FBRSL1: variants seen among roughly 807,000 people sequenced by gnomAD.
FBRSL1 encodes fibrosin like 1, also known as fibrosin-1-like protein.
FBRSL1 carries 51 observed loss-of-function variants against 89.6 expected under a neutral mutation model. The observed-to-expected ratio is 0.57, with a 90% CI of 0.45 to 0.72. The LOEUF is 0.72. FBRSL1 is among the 30% of genes least tolerant of loss of function. FBRSL1 has a pLI of 0.00. For synonymous variants in FBRSL1, 779 were observed against 681.1 expected, an observed-to-expected ratio of 1.14 and a Z score of -2.24; for missense variants, 1,618 against 1,451.8, an observed-to-expected ratio of 1.11 and a Z score of -1.86.
intron 4 of FBRSL1, among the ~76,000 whole-genome samples, chr12:132,540,754 CG>C (rs998080350): frequency 1.3e-5 from 2 of 151,970 alleles, no homozygotes; most frequent in African/African-American, 2.4e-5. Flanking sequence ...CTGCCTCACC[CG>C]GGGGGGCCCC....
intron 5 of FBRSL1, among the ~76,000 whole-genome samples, chr12:132,560,803 G>C (rs573669134): frequency 6.6e-6 from 1 of 152,324 alleles, no homozygotes; most frequent in Admixed American, 6.5e-5. Context: ...CCCTGGGCTT[G>C]AGTGATCCTC....
chr12:132,497,662 C>T (rs912138052), intron 1 of FBRSL1, among the ~76,000 whole-genome samples: 1 of 152,166 alleles, frequency 6.6e-6, no homozygotes, highest in Admixed American at 6.5e-5. Context: ...GTGAGTGGCC[C>T]CAGGCTAGAA....
intron 2 of FBRSL1, among the ~76,000 whole-genome samples, chr12:132,513,994 C>T (rs756827024): frequency 6.6e-6 from 1 of 152,172 alleles, no homozygotes; most frequent in Non-Finnish European, 1.5e-5. Context: ...CCCCTCACTG[C>T]AGGTGAATAG....
At chr12:132,492,778 G>A (rs995663783) in intron 1 of FBRSL1, among the ~76,000 whole-genome samples, 2 of 152,234 alleles carry the variant, frequency 1.3e-5, no homozygotes, top group African/African-American at 4.8e-5. Flanking sequence ...CAGCACCCCA[G>A]GGTGGTTTCA....
chr12:132,583,440 C>A lies in FBRSL1; in HGVS notation c.2671C>A (p.His891Asn). 1 of 1,071,364 alleles carries A rather than the reference C, an allele frequency of 9.3e-7. No individual in the cohort carries two copies. 66.4% of individuals were successfully genotyped at this position (1,071,364 alleles called of 1,614,324 possible). ...GCGCCCCTACCGCGACCGCGAGCCC[C>A]ACGGCTACAGCCCCGAGCGCCTGCG... ...PERPYRDREP[H>N]GYSPERLRGE... is the part of the protein sequence containing the mutation. The change falls in exon 19 of 19, where the codon CAC becomes AAC. Residue 891 changes from histidine (H) to asparagine (N), a missense_variant. Transcript: ENST00000680143.
intron 5 of FBRSL1, among the ~76,000 whole-genome samples, chr12:132,559,880 C>T (rs2038960508): frequency 6.7e-6 from 1 of 150,148 alleles, no homozygotes; most frequent in South Asian, 2.1e-4. Context: ...GCGGCGGGCG[C>T]GGGTGGATCG....
chr12:132,528,636 G>A (rs1194976768), intron 4 of FBRSL1, among the ~76,000 whole-genome samples: 2 of 151,886 alleles, frequency 1.3e-5, no homozygotes, highest in Admixed American at 1.3e-4. Flanking sequence ...CCGGGGGAGC[G>A]GGTGTGTTTC....
intron 3 of FBRSL1, 86 bp downstream of exon 3, chr12:132,525,909 C>A: frequency 8.9e-7 from 1 of 1,122,494 alleles, no homozygotes. Context: ...CAGTCCGAGT[C>A]TGGGCCGCCT....
At position 132,574,314 on chromosome 12, in the gene FBRSL1, C is replaced by T. The variant is rs1188730142; in HGVS notation, c.1600-5C>T. On this transcript the variant is annotated splice_region_variant and splice_polypyrimidine_tract_variant and intron_variant, in intron 12 of 18. Transcript: ENST00000680143. Reference sequence around the variant, plus strand: ...GGACCTCACACTCCTTTCCTGTCTCCACAGGTGTCTGACCCGTACCGGGCG... The same window carrying T: ...GGACCTCACACTCCTTTCCTGTCTCTACAGGTGTCTGACCCGTACCGGGCG... 4 of 1,541,706 alleles carry T rather than the reference C, an allele frequency of 2.6e-6. No individual in the cohort carries two copies. Among genetic ancestry groups the T allele is most frequent in the Non-Finnish European group, 3.5e-6 (4 of 1,143,312 alleles).
intron 2 of FBRSL1, among the ~76,000 whole-genome samples, chr12:132,524,296 A>T (rs930892576): frequency 6.6e-6 from 1 of 152,208 alleles, no homozygotes; most frequent in African/African-American, 2.4e-5. Context: ...TCGGGGCTGC[A>T]TCCCTGCCCG....
intron 5 of FBRSL1, chr12:132,552,949 C>A: frequency 6.5e-6 from 1 of 154,164 alleles, no homozygotes; most frequent in South Asian, 1.9e-4. Flanking sequence ...GTGCGGGCCG[C>A]GCCTTTGTTC....
chr12:132,494,224 C>T (rs1267631141), intron 1 of FBRSL1, among the ~76,000 whole-genome samples: 2 of 152,160 alleles, frequency 1.3e-5, no homozygotes, highest in South Asian at 2.1e-4. Flanking sequence ...CAACTCTGTC[C>T]CCTGGTTGTA....
intron 1 of FBRSL1, among the ~76,000 whole-genome samples, chr12:132,498,986 C>T (rs752407652): frequency 2.6e-5 from 4 of 152,212 alleles, no homozygotes; most frequent in African/African-American, 4.8e-5. Context: ...GCTCTCACCA[C>T]GGCAGGCTGG....
intron 4 of FBRSL1, among the ~76,000 whole-genome samples, chr12:132,547,619 T>C (rs537677053): frequency 9.2e-5 from 14 of 152,332 alleles, no homozygotes; most frequent in African/African-American, 3.4e-4. Flanking sequence ...GGCCGGAGGC[T>C]GCCCTCCTTC....
chr12:132,532,646 G>A (rs949063537), intron 4 of FBRSL1, among the ~76,000 whole-genome samples: 1 of 147,770 alleles, frequency 6.8e-6, no homozygotes, highest in Non-Finnish European at 1.5e-5. Flanking sequence ...CACACAGGGA[G>A]AAAGATGGGA....
chr12:132,548,380 C>T (rs1428369967), intron 5 of FBRSL1, among the ~76,000 whole-genome samples: 1 of 152,176 alleles, frequency 6.6e-6, no homozygotes, highest in Non-Finnish European at 1.5e-5. Context: ...GGGCCTGTGC[C>T]CCAGGACTGG....
At chr12:132,512,321 C>T (rs927410855) in intron 2 of FBRSL1, among the ~76,000 whole-genome samples, 13 of 152,228 alleles carry the variant, frequency 8.5e-5, no homozygotes, top group East Asian at 3.8e-4. Flanking sequence ...GGCCTGGGCA[C>T]GCGTGAGGGA....
rs1315293266 is a variant in FBRSL1, at chr12:132,583,875, C to G, written c.*97C>G. 5 of 671,046 alleles carry G rather than the reference C, an allele frequency of 7.5e-6. No homozygotes were observed. In the East Asian group the frequency reaches 2.8e-4, roughly 37 times the overall value. 41.6% of individuals were successfully genotyped at this position (671,046 alleles called of 1,614,324 possible). On this transcript the variant is annotated 3_prime_UTR_variant, in exon 19 of 19. Transcript: ENST00000680143. Reference sequence around the variant, plus strand: ...AGCACAGCTCCCGCCGATCCTGGGGCGGCGCCGCCTCTCCACCCGCAGCCT... The same window carrying G: ...AGCACAGCTCCCGCCGATCCTGGGGGGGCGCCGCCTCTCCACCCGCAGCCT...
At chr12:132,491,392 G>A (rs959152579) in intron 1 of FBRSL1, among the ~76,000 whole-genome samples, 1 of 152,218 alleles carries the variant, frequency 6.6e-6, no homozygotes, top group Non-Finnish European at 1.5e-5. Context: ...TGCTTGTCTG[G>A]CTGACGGACA....
Sources: allele counts gnomAD v4.1 joint callset (sites outside exome capture counted in the v4.1 genomes callset), GRCh38; gene constraint gnomAD v4.1.1; transcripts MANE v1.5; gene names NCBI Gene and HGNC (gene_info 2026-07-23, HGNC 2026-07-21).